The following NTM variants were observed in gnomAD, a reference collection of about 807,000 sequenced individuals.
The protein encoded by NTM is neurotrimin, also known as IgLON family member 2.
Under a neutral mutation model 42.1 loss-of-function variants are expected in NTM, and 13 were observed. The observed-to-expected ratio is 0.31, with a 90% confidence interval of 0.20 to 0.49. The LOEUF (loss-of-function observed/expected upper bound fraction) is 0.49. Among genes scored for constraint, NTM ranks in the 20% least tolerant of loss-of-function variants. NTM has a pLI of 0.99. For missense variants in NTM, 373 were observed against 452.8 expected, an observed-to-expected ratio of 0.82 and a Z score of 1.60; for synonymous variants, 187 against 179.2, an observed-to-expected ratio of 1.04 and a Z score of -0.35.
At chr11:132,310,076 G>T (rs1438424675) in intron 5 of NTM, 36 bp from the exon 6 acceptor site, 3 of 1,526,926 alleles carry the variant, frequency 2.0e-6, no homozygotes, top group Non-Finnish European at 1.7e-6. Context: ...AAAAAAAAAG[G>T]TGGGGGGGCG....
intron 1 of NTM, chr11:131,794,659 C>T (rs1324742803): frequency 2.2e-5 from 22 of 983,848 alleles, no homozygotes; most frequent in East Asian, 1.1e-4. Flanking sequence ...AGTGCATATA[C>T]GGGCAAAACT....
At chr11:131,668,130 T>C (rs1282300882) in intron 1 of NTM, among the ~76,000 whole-genome samples, 1 of 152,194 alleles carries the variant, frequency 6.6e-6, no homozygotes, top group Non-Finnish European at 1.5e-5. Flanking sequence ...GGATTTGAAC[T>C]CATGCCAATG....
chr11:132,227,190 A>G (rs7103588), intron 4 of NTM, among the ~76,000 whole-genome samples: 18,260 of 152,126 alleles, frequency 0.12, 1,921 homozygotes, highest in African/African-American at 0.28. Flanking sequence ...GACAATTGGG[A>G]GATGAGAAGG....
intron 1 of NTM, among the ~76,000 whole-genome samples, chr11:131,803,096 T>C (rs2092261713): frequency 6.6e-6 from 1 of 152,144 alleles, no homozygotes; most frequent in South Asian, 2.1e-4. Flanking sequence ...ATACAGGACA[T>C]TTGAATGAGA....
rs77162521 is a variant in NTM, at chr11:131,408,962, G to A, written c.82+38074G>A. Among the ~76,000 whole-genome samples the A allele has an allele frequency of 4.3e-3, 661 of 152,316 alleles. 5 individuals are homozygous for A. The highest frequency in any genetic ancestry group is 0.014 in the African/African-American group (565 of 41,570). ...ATCAGAAACTACCTTTGGAGAAACAGAAATCAGGTAGCATGTGGCAAGTAT... is the reference window on the plus strand; with the variant it reads ...ATCAGAAACTACCTTTGGAGAAACAAAAATCAGGTAGCATGTGGCAAGTAT... On this transcript the variant is annotated intron_variant, in intron 1 of 8. Coordinates refer to ENST00000683400, the MANE Select transcript of NTM (RefSeq NM_001352005.2).
At chr11:131,964,477 T>A (rs2134566368) in intron 2 of NTM, among the ~76,000 whole-genome samples, 1 of 152,330 alleles carries the variant, frequency 6.6e-6, no homozygotes, top group South Asian at 2.1e-4. Context: ...ATTATTTGAA[T>A]TTATTTTGAT....
chr11:131,762,748 G>A (rs1435561686), intron 1 of NTM, among the ~76,000 whole-genome samples: 1 of 152,200 alleles, frequency 6.6e-6, no homozygotes, highest in Admixed American at 6.5e-5. Flanking sequence ...ACTCCCAGGT[G>A]ACCCCATTAT....
chr11:131,571,524 G>A (rs2057436501), intron 1 of NTM, among the ~76,000 whole-genome samples: 1 of 152,206 alleles, frequency 6.6e-6, no homozygotes, highest in South Asian at 2.1e-4. Context: ...GCAATTCTGG[G>A]AGGAAAGCTC....
chr11:131,709,242 G>A (rs1200602801), intron 1 of NTM, among the ~76,000 whole-genome samples: 3 of 152,190 alleles, frequency 2.0e-5, no homozygotes, highest in African/African-American at 4.8e-5. Context: ...AGAAACTTCT[G>A]CTTTTACTCT....
chr11:131,894,753 C>T (rs1252886886), intron 1 of NTM, among the ~76,000 whole-genome samples: 1 of 152,222 alleles, frequency 6.6e-6, no homozygotes, highest in South Asian at 2.1e-4. Flanking sequence ...GTTCATCCTC[C>T]TCCCTCTTTC....
intron 3 of NTM, among the ~76,000 whole-genome samples, chr11:132,160,485 C>A (rs914217006): frequency 2.6e-5 from 4 of 152,188 alleles, no homozygotes; most frequent in African/African-American, 9.7e-5. Flanking sequence ...ATATAGCAAT[C>A]ATCTTTTCTT....
chr11:132,155,021 G>C (rs1340844707), intron 3 of NTM, among the ~76,000 whole-genome samples: 1 of 152,102 alleles, frequency 6.6e-6, no homozygotes, highest in Non-Finnish European at 1.5e-5. Context: ...AACTCAGCTG[G>C]TGGGGGGATT....
intron 1 of NTM, among the ~76,000 whole-genome samples, chr11:131,710,730 C>G (rs146886747): frequency 3.3e-5 from 5 of 152,150 alleles, no homozygotes; most frequent in Non-Finnish European, 7.3e-5. Flanking sequence ...ACAGAGTCTG[C>G]GGTTTGCAAG....
chr11:131,719,930 G>A (rs2078139288), intron 1 of NTM, among the ~76,000 whole-genome samples: 1 of 152,140 alleles, frequency 6.6e-6, no homozygotes, highest in Non-Finnish European at 1.5e-5. Flanking sequence ...TTGTTGCAAG[G>A]TGTCATTCTC....
chr11:132,198,685 A>T (rs1205467993), intron 3 of NTM, among the ~76,000 whole-genome samples: 1 of 152,156 alleles, frequency 6.6e-6, no homozygotes, highest in Non-Finnish European at 1.5e-5. Context: ...TATTCTGCAG[A>T]TTTGCATAGA....
At position 132,188,971 on chromosome 11, in the gene NTM, T is replaced by C. The variant is rs1337742973; in HGVS notation, c.401-23051T>C. On this transcript the variant is annotated intron_variant, in intron 3 of 8. Transcript: ENST00000683400. ...CTGGAGTTATAGGATATGTGGGATGTGAGCATAAGAGCTTAATAAGAAAGA... is the reference window on the plus strand; with the variant it reads ...CTGGAGTTATAGGATATGTGGGATGCGAGCATAAGAGCTTAATAAGAAAGA... Among the ~76,000 whole-genome samples the C allele has an allele frequency of 2.6e-5, 4 of 152,204 alleles. No homozygotes were observed. In the South Asian group the frequency reaches 8.3e-4, roughly 31 times the overall value.
chr11:131,495,864 G>A (rs1955288543), intron 1 of NTM, among the ~76,000 whole-genome samples: 1 of 152,238 alleles, frequency 6.6e-6, no homozygotes, highest in African/African-American at 2.4e-5. Context: ...TGATACATTT[G>A]ACTTCATTGG....
Position 131,598,778 on chromosome 11 carries a change from C to T in NTM, c.82+227890C>T, listed in dbSNP as rs1183757196. ...TTCTTCTTTCTTTTTTTCTTTCTTT[C>T]TTTCTTCTTTCTTTCTTTCTTTTTC... On this transcript the variant is annotated intron_variant, in intron 1 of 8. Transcript: ENST00000683400. Among the ~76,000 whole-genome samples the T allele has an allele frequency of 7.4e-3, 474 of 64,310 alleles. 38 individuals carry two copies. Among genetic ancestry groups the T allele is most frequent in the African/African-American group, 0.02 (443 of 21,648 alleles). 42.2% of individuals were successfully genotyped at this position (64,310 alleles called of 152,430 possible).
intron 2 of NTM, among the ~76,000 whole-genome samples, chr11:131,948,390 A>AAAAAAAAGAAAACC (rs1290675712): frequency 9.9e-5 from 15 of 151,720 alleles, no homozygotes; most frequent in Admixed American, 9.9e-4. Flanking sequence ...ACAAAAAAAC[A>AAAAAAAAGAAAACC]AAAAAAAGAA....
Sources: gnomAD v4.1 joint callset for allele counts (sites outside exome capture counted in the v4.1 genomes callset) on GRCh38, gnomAD v4.1.1 for gene constraint, MANE v1.5 for transcripts, NCBI Gene and HGNC (gene_info 2026-07-23, HGNC 2026-07-21) for gene names.